Variants in LRSAM1 observed in about 807,000 individuals in gnomAD.
LRSAM1 encodes E3 ubiquitin-protein ligase LRSAM1.
In LRSAM1, 96 loss-of-function variants were observed where a neutral mutation model predicts 118.1. The observed-to-expected ratio is 0.81, with a 90% CI of 0.69 to 0.96. The LOEUF (loss-of-function observed/expected upper bound fraction) is 0.96. Among genes scored for constraint, LRSAM1 ranks in the 40% least tolerant of loss-of-function variants. The probability of loss-of-function intolerance (pLI) is 0.00; values close to 1 mark genes in which losing one functional copy is unlikely to be tolerated. For synonymous variants in LRSAM1, 322 were observed against 364.2 expected (o/e 0.88, Z 1.32); for missense variants, 804 against 915.5 (o/e 0.88, Z 1.57).
intron 14 of LRSAM1, among the ~76,000 whole-genome samples, chr9:127,480,953 A>G (rs193260468): frequency 1.5e-3 from 231 of 152,304 alleles, no homozygotes; most frequent in Non-Finnish European, 1.8e-3. Context: ...TGCTGGGATT[A>G]CAGATGTGAG....
intron 11 of LRSAM1, 36 bp from the exon 12 acceptor site, chr9:127,478,898 C>A: frequency 6.2e-7 from 1 of 1,613,322 alleles, no homozygotes; most frequent in East Asian, 2.2e-5. Flanking sequence ...CCACTGCTGC[C>A]ACCCTCTCTT....
intron 4 of LRSAM1, 66 bp downstream of exon 4, chr9:127,455,120 A>G: frequency 6.6e-7 from 1 of 1,518,840 alleles, no homozygotes; most frequent in Non-Finnish European, 9.1e-7. Flanking sequence ...TTGTGTCCCT[A>G]GGAAAGACAG....
At chr9:127,496,237 C>G in intron 23 of LRSAM1, 142 bp downstream of exon 23, 2 of 1,226,732 alleles carry the variant, frequency 1.6e-6, no homozygotes, top group Non-Finnish European at 2.2e-6. Flanking sequence ...TTCCAGATGG[C>G]CAGAACACCT....
In LRSAM1 at chr9:127,495,405, C is replaced by T. The variant is rs1270040287; in HGVS notation, c.1685C>T (p.Ser562Phe). The stretch of plus-strand genomic sequence containing the variant: ...CGGCTTTTGAACCAGAAGCCCTTGT[C>T]CTTGAAGCTGCAAGTAAGGACTGCT... Reference protein sequence around the residue: ...YQRLLNQKPLSLKLQEEGMER... With the variant: ...YQRLLNQKPLFLKLQEEGMER... Residue 562 changes from serine to phenylalanine, a missense_variant, in exon 22 of 26, where the codon TCC becomes TTC. By Grantham distance (155) the Ser-to-Phe change is radical. Coordinates refer to ENST00000300417, the MANE Select transcript of LRSAM1 (RefSeq NM_001005373.4). 4 of 1,613,864 alleles carry T rather than the reference C, an allele frequency of 2.5e-6. No homozygotes were observed. Among genetic ancestry groups the T allele is most frequent in the Non-Finnish European group, 3.4e-6 (4 of 1,179,978 alleles).
At position 127,467,128 on chromosome 9, in the gene LRSAM1, T is replaced by C. The variant is rs369922065; in HGVS notation, c.529-612T>C. 1.9e-3 allele frequency among the ~76,000 whole-genome samples: 287 copies of C among 152,216 alleles called. 4 individuals are homozygous for C. The highest frequency in any genetic ancestry group is 6.8e-3 in the African/African-American group (282 of 41,538). ...AGGCAGCTAATGCTCAAAATTCTCT[T>C]GGCCCTGAGGAAGGGGCTAGTTTTG... On this transcript the variant is annotated intron_variant, in intron 9 of 25. Transcript: ENST00000300417.
chr9:127,451,643 CCTAG>C lies in LRSAM1; in HGVS notation c.-212_-209del. 2.2e-6 allele frequency: 1 copy of C among 448,814 alleles called. No individual in the cohort carries two copies. The highest frequency in any genetic ancestry group is 3.4e-5 in the Admixed American group (1 of 29,160). The allele number at this position is 448,814 out of a possible 1,614,324, so 27.8% of individuals were successfully genotyped here. ...GAAGGGTGGCTCCGGTGATCCCAGC[CCTAG>C]CTGTTTCCCATATTCCTTTATCGTG... On this transcript the variant is annotated 5_prime_UTR_variant, in exon 1 of 26. Coordinates refer to ENST00000300417, the MANE Select transcript of LRSAM1 (RefSeq NM_001005373.4).
In LRSAM1 at chr9:127,491,759, C is replaced by T. The variant is rs148228603; in HGVS notation, c.1503+464C>T. Among the ~76,000 whole-genome samples the T allele has an allele frequency of 2.9e-3, 444 of 152,300 alleles. 7 individuals are homozygous for T. Among genetic ancestry groups the T allele is most frequent in the African/African-American group, 9.1e-3 (378 of 41,558 alleles). On this transcript the variant is annotated intron_variant, in intron 20 of 25. Transcript: ENST00000300417. ...AGGCAGCATCTCTGGGGCTCCAGCC[C>T]GGGAGTCCTGCGCACACAGATGAGA...
At chr9:127,461,547 A>G (rs1257006499) in intron 8 of LRSAM1, among the ~76,000 whole-genome samples, 1 of 152,190 alleles carries the variant, frequency 6.6e-6, no homozygotes, top group African/African-American at 2.4e-5. Context: ...GTGAGTGTAG[A>G]GGACTGATGG....
In LRSAM1 at chr9:127,454,595, G is replaced by A; in HGVS notation, c.68G>A (p.Cys23Tyr). ...CGGAAACGCCTGGAGTACCAGATGT[G>A]TTTGGTGAGGGAAAGTGGGTTTCCT... is the stretch of plus-strand genomic sequence containing the variant. The part of the protein sequence containing the change: ...EARKRLEYQM[C>Y]LAKEAGADDI... Residue 23 changes from cysteine to tyrosine, a missense_variant, in exon 3 of 26, where the codon TGT becomes TAT. Physicochemically the swap from Cys to Tyr is radical, Grantham distance 194. Transcript: ENST00000300417. 1 of 1,613,838 alleles carries A rather than the reference G, an allele frequency of 6.2e-7. No individual in the cohort carries two copies.
chr9:127,500,302 A>G (rs12001454), intron 24 of LRSAM1, among the ~76,000 whole-genome samples: 153 of 142,006 alleles, frequency 1.1e-3, no homozygotes, highest in African/African-American at 3.8e-3. Context: ...CAGAGGTTGC[A>G]GTGAGCCGAG....
At chr9:127,462,855 TA>T (rs952273561) in intron 9 of LRSAM1, among the ~76,000 whole-genome samples, 155 of 140,608 alleles carry the variant, frequency 1.1e-3, no homozygotes, top group Admixed American at 1.4e-3. Context: ...AAAAAAAAGT[TA>T]AAAAAAAAAA....
chr9:127,479,722 T>C, intron 13 of LRSAM1, 117 bp from the exon 14 acceptor site: 1 of 1,443,728 alleles, frequency 6.9e-7, no homozygotes, highest in South Asian at 1.3e-5. Flanking sequence ...TGGCCGGAGG[T>C]CACACAAAAA....
At position 127,502,893 on chromosome 9, in the gene LRSAM1, C is replaced by A. The variant is rs764077354; in HGVS notation, c.2166C>A (p.Ser722Arg). The A allele has an allele frequency of 6.3e-7, 1 of 1,599,144 alleles. No homozygotes were observed. Among genetic ancestry groups the A allele is most frequent in the Admixed American group, 1.7e-5 (1 of 58,092 alleles). Reference protein sequence around the residue: ...DIAQRLRIYHSS With the variant: ...DIAQRLRIYHRS The stretch of plus-strand genomic sequence containing the variant: ...CCCAGCGCCTCCGCATCTACCACAG[C>A]AGCTGAGTGCTGCCCGCCCACCTGG... The change falls in exon 26 of 26, where the codon AGC becomes AGA. Residue 722 changes from serine (S) to arginine (R), a missense_variant. Physicochemically the swap from Ser to Arg is moderately radical, Grantham distance 110. Transcript: ENST00000300417.
chr9:127,487,407 G>A (rs1835772792), intron 17 of LRSAM1: 1 of 414,822 alleles, frequency 2.4e-6, no homozygotes. Flanking sequence ...TCCGGGGGGT[G>A]CTGGGGAGGG....
chr9:127,491,834 G>A (rs781236745), intron 20 of LRSAM1, among the ~76,000 whole-genome samples: 15 of 152,220 alleles, frequency 9.9e-5, no homozygotes, highest in Non-Finnish European at 1.9e-4. Context: ...CCTGGGAGCC[G>A]GGTGTGGCCC....
intron 2 of LRSAM1, 79 bp from the exon 3 acceptor site, chr9:127,454,417 T>A (rs1284072555): frequency 9.5e-7 from 1 of 1,049,592 alleles, no homozygotes; most frequent in Non-Finnish European, 1.5e-6. Flanking sequence ...CTGCATGCTC[T>A]GTGTTACTGC....
Position 127,479,880 on chromosome 9 carries a change from C to T in LRSAM1, c.945C>T (p.Arg315=), listed in dbSNP as rs751712659. Residue 315 remains arginine, a synonymous_variant, in exon 14 of 26, where the codon CGC becomes CGT. Transcript: ENST00000300417. ...AGCAGGGCCTGAGTGAGCACCAGCG[C>T]CACCTCAACGCAGAGCGGCAGCGGC... ...RLEQGLSEHQ[R]HLNAERQRLQ... is the part of the protein sequence containing the mutation. The T allele has an allele frequency of 1.2e-6, 2 of 1,612,468 alleles. No individual in the cohort carries two copies. The highest frequency in any genetic ancestry group is 1.3e-5 in the African/African-American group (1 of 75,014).
At chr9:127,454,627 C>G in intron 3 of LRSAM1, 28 bp downstream of exon 3, 2 of 1,609,196 alleles carry the variant, frequency 1.2e-6, no homozygotes, top group Non-Finnish European at 1.7e-6. Context: ...TCCTCTAACT[C>G]TATCCCATCT....
chr9:127,462,465 G>A, intron 9 of LRSAM1, 92 bp downstream of exon 9: 1 of 1,591,990 alleles, frequency 6.3e-7, no homozygotes, highest in Non-Finnish European at 8.6e-7. Context: ...TGATCTCACG[G>A]TACCAGGGCC....
Sources: allele counts gnomAD v4.1 joint callset (sites outside exome capture counted in the v4.1 genomes callset), GRCh38; gene constraint gnomAD v4.1.1; transcripts MANE v1.5; gene names NCBI Gene and HGNC (gene_info 2026-07-23, HGNC 2026-07-21).